Variants in RASGRF2 observed in about 807,000 individuals in gnomAD.
The protein encoded by RASGRF2 is ras-specific guanine nucleotide-releasing factor 2.
In RASGRF2, 76 loss-of-function variants were observed where a neutral mutation model predicts 151.0. That is an observed-to-expected ratio of 0.50 (90% CI 0.42 to 0.61). RASGRF2 has a LOEUF of 0.61. RASGRF2 is among the 20% of genes least tolerant of loss of function. RASGRF2 has a pLI of 0.00. For synonymous variants in RASGRF2, 504 were observed against 566.5 expected (o/e 0.89, Z 1.57); for missense variants, 1,148 against 1,564.6 (o/e 0.73, Z 4.49).
chr5:81,034,164 A>G (rs968292550), intron 1 of RASGRF2, among the ~76,000 whole-genome samples: 2 of 152,176 alleles, frequency 1.3e-5, no homozygotes, highest in African/African-American at 4.8e-5. Flanking sequence ...TTCTCAAAAG[A>G]AGACATTTAT....
At chr5:81,074,411 C>G (rs1459289325) in intron 5 of RASGRF2, among the ~76,000 whole-genome samples, 12 of 152,214 alleles carry the variant, frequency 7.9e-5, no homozygotes, top group Non-Finnish European at 1.0e-4. Flanking sequence ...TCACATGGTT[C>G]AAAAGTCAAA....
At chr5:81,022,632 T>C (rs1205621093) in intron 1 of RASGRF2, among the ~76,000 whole-genome samples, 1 of 152,206 alleles carries the variant, frequency 6.6e-6, no homozygotes, top group African/African-American at 2.4e-5. Context: ...TGCCTCCCTC[T>C]GTTTTCTCCA....
intron 1 of RASGRF2, among the ~76,000 whole-genome samples, chr5:81,027,259 A>G (rs1181213667): frequency 6.6e-6 from 1 of 152,186 alleles, no homozygotes; most frequent in Non-Finnish European, 1.5e-5. Context: ...TTATGCATCA[A>G]TATTTGTTCA....
At chr5:81,100,587 CTATT>C (rs1207435462) in intron 12 of RASGRF2, among the ~76,000 whole-genome samples, 17 of 152,168 alleles carry the variant, frequency 1.1e-4, no homozygotes, top group Non-Finnish European at 2.9e-5. Flanking sequence ...GAAGATTTGA[CTATT>C]TATTTCAATA....
At chr5:81,042,606 A>G (rs777880785) in intron 1 of RASGRF2, among the ~76,000 whole-genome samples, 10 of 152,186 alleles carry the variant, frequency 6.6e-5, no homozygotes, top group Admixed American at 1.3e-4. Flanking sequence ...AATTTGTGCA[A>G]TATTCTTTTT....
intron 1 of RASGRF2, among the ~76,000 whole-genome samples, chr5:81,023,267 T>C (rs1193026880): frequency 1.3e-5 from 2 of 152,190 alleles, no homozygotes. Flanking sequence ...TCATTGTAGA[T>C]ATTGAATTTA....
chr5:81,004,360 G>A (rs6897350), intron 1 of RASGRF2, among the ~76,000 whole-genome samples: 1,755 of 152,340 alleles, frequency 0.012, 27 homozygotes, highest in African/African-American at 0.032. Flanking sequence ...CACGTTATTT[G>A]TTGCAGCCCT....
rs190188384 is a variant in RASGRF2 at position 81,001,147 on chromosome 5, C to G, written c.288+40121C>G. On this transcript the variant is annotated intron_variant, in intron 1 of 26. Coordinates refer to ENST00000265080, the MANE Select transcript of RASGRF2 (RefSeq NM_006909.3). ...CTACAGAGATTTGTTTTCTGTTGTT[C>G]TTTGTGTCTTCACTCCTGGGAAATA... 6.3e-4 allele frequency among the ~76,000 whole-genome samples: 96 copies of G among 152,294 alleles called. 1 individual carries two copies. In the Middle Eastern group the frequency reaches 0.01, roughly 16 times the overall value.
intron 17 of RASGRF2, among the ~76,000 whole-genome samples, chr5:81,163,401 A>G (rs950847085): frequency 2.0e-5 from 3 of 152,144 alleles, no homozygotes; most frequent in Non-Finnish European, 4.4e-5. Flanking sequence ...AAGAACGTCC[A>G]TTTTTAACCA....
At chr5:80,969,313 T>G (rs942671034) in intron 1 of RASGRF2, among the ~76,000 whole-genome samples, 4 of 151,708 alleles carry the variant, frequency 2.6e-5, no homozygotes, top group African/African-American at 9.7e-5. Context: ...GCATTCTTTT[T>G]TTAGTAGAGA....
At chr5:81,117,474 T>G (rs1753192036) in intron 15 of RASGRF2, among the ~76,000 whole-genome samples, 1 of 152,176 alleles carries the variant, frequency 6.6e-6, no homozygotes, top group South Asian at 2.1e-4. Flanking sequence ...TCCATTTATG[T>G]GTGTAGAGGC....
chr5:81,011,057 A>T (rs35259313), intron 1 of RASGRF2, among the ~76,000 whole-genome samples: 81,533 of 151,598 alleles, frequency 0.54, 22,190 homozygotes, highest in Middle Eastern at 0.68. Flanking sequence ...TTTAAGATGT[A>T]TGTGGTATAC....
intron 7 of RASGRF2, among the ~76,000 whole-genome samples, chr5:81,084,625 G>A (rs935579678): frequency 1.3e-5 from 2 of 152,108 alleles, no homozygotes; most frequent in African/African-American, 4.8e-5. Context: ...GTGTGTAAAT[G>A]GACACACTCA....
intron 1 of RASGRF2, among the ~76,000 whole-genome samples, chr5:81,035,839 G>A (rs1244433777): frequency 2.0e-5 from 3 of 152,078 alleles, no homozygotes; most frequent in African/African-American, 7.2e-5. Flanking sequence ...GAGAGAATAG[G>A]GGGCATGGCA....
intron 17 of RASGRF2, among the ~76,000 whole-genome samples, chr5:81,145,667 G>A (rs570729806): frequency 1.9e-4 from 29 of 152,252 alleles, no homozygotes; most frequent in African/African-American, 7.0e-4. Context: ...CTAGGAACTA[G>A]GTCTTCTGCC....
chr5:81,185,226 CTTT>C (rs1241850562), intron 18 of RASGRF2, among the ~76,000 whole-genome samples: 3 of 152,306 alleles, frequency 2.0e-5, no homozygotes, highest in Non-Finnish European at 4.4e-5. Flanking sequence ...GAGATGCCTC[CTTT>C]TCACTTCTAG....
chr5:81,047,806 T>C, intron 2 of RASGRF2, among the ~76,000 whole-genome samples: 1 of 152,226 alleles, frequency 6.6e-6, no homozygotes, highest in East Asian at 1.9e-4. Context: ...CTCTTGGATC[T>C]GTTTTTAATG....
At chr5:81,031,633 G>C (rs902844042) in intron 1 of RASGRF2, among the ~76,000 whole-genome samples, 9 of 152,096 alleles carry the variant, frequency 5.9e-5, no homozygotes, top group African/African-American at 1.7e-4. Flanking sequence ...CCAAATCTCT[G>C]GGACACATTT....
chr5:81,003,404 T>A (rs763212884), intron 1 of RASGRF2, among the ~76,000 whole-genome samples: 1 of 152,118 alleles, frequency 6.6e-6, no homozygotes, highest in Non-Finnish European at 1.5e-5. Flanking sequence ...TTTGTATTTT[T>A]AGTAGAGACA....
Sources: allele counts gnomAD v4.1 joint callset (sites outside exome capture counted in the v4.1 genomes callset), GRCh38; gene constraint gnomAD v4.1.1; transcripts MANE v1.5; gene names NCBI Gene and HGNC (gene_info 2026-07-23, HGNC 2026-07-21).